LRRC4C: variants seen among roughly 807,000 people sequenced by gnomAD.
LRRC4C encodes the protein leucine rich repeat containing 4C, also known as leucine-rich repeat-containing protein 4C.
A neutral mutation model predicts 33.6 loss-of-function variants in LRRC4C; 5 were observed. That is an observed-to-expected ratio of 0.15 (90% confidence interval 0.08 to 0.31). LRRC4C has a LOEUF of 0.31. Ranked by LOEUF, LRRC4C falls within the 10% of genes least tolerant of loss-of-function variation. The probability of loss-of-function intolerance (pLI) is 1.00; values close to 1 mark genes in which losing one functional copy is unlikely to be tolerated. For synonymous variants in LRRC4C, 329 were observed against 302.0 expected, an observed-to-expected ratio of 1.09 and a Z score of -0.93; for missense variants, 560 against 796.7, an observed-to-expected ratio of 0.70 and a Z score of 3.58.
intron 2 of LRRC4C, among the ~76,000 whole-genome samples, chr11:40,709,835 T>C (rs201406060): frequency 6.6e-6 from 1 of 152,216 alleles, no homozygotes; most frequent in East Asian, 1.9e-4. Context: ...CAATCAAATG[T>C]AGCTTTGGTC....
intron 1 of LRRC4C, among the ~76,000 whole-genome samples, chr11:41,111,164 A>C (rs1336856931): frequency 6.6e-6 from 1 of 152,120 alleles, no homozygotes; most frequent in African/African-American, 2.4e-5. Context: ...TTGAGAATTT[A>C]TGCCTTATCC....
chr11:40,766,253 A>G (rs774280428), intron 2 of LRRC4C, among the ~76,000 whole-genome samples: 7 of 149,032 alleles, frequency 4.7e-5, no homozygotes, highest in Non-Finnish European at 8.9e-5. Flanking sequence ...TTCAAACATG[A>G]GAGGGAAATG....
intron 2 of LRRC4C, among the ~76,000 whole-genome samples, chr11:40,760,047 T>A (rs1275505523): frequency 6.6e-6 from 1 of 151,934 alleles, no homozygotes; most frequent in Admixed American, 6.6e-5. Context: ...CCCCCCAACC[T>A]TTTCTTTTCC....
intron 2 of LRRC4C, among the ~76,000 whole-genome samples, chr11:40,866,082 G>A (rs1313913588): frequency 6.7e-6 from 1 of 149,336 alleles, no homozygotes; most frequent in Non-Finnish European, 1.5e-5. Context: ...TGGGTCAGAA[G>A]TATATGGTCT....
intron 5 of LRRC4C, among the ~76,000 whole-genome samples, chr11:40,203,013 T>C (rs1465898323): frequency 6.6e-6 from 1 of 152,190 alleles, no homozygotes; most frequent in Non-Finnish European, 1.5e-5. Flanking sequence ...AAAAATAATG[T>C]CATTTAAACA....
chr11:40,865,866 A>G (rs1954338704), intron 2 of LRRC4C, among the ~76,000 whole-genome samples: 1 of 152,006 alleles, frequency 6.6e-6, no homozygotes, highest in African/African-American at 2.4e-5. Flanking sequence ...GGGTTAATTT[A>G]AAGTACATTA....
Position 40,194,925 on chromosome 11 carries a change from T to TAA in LRRC4C, c.-96+46592_-96+46593dup, listed in dbSNP as rs58375395. On this transcript the variant is annotated intron_variant, in intron 5 of 6. Coordinates refer to ENST00000528697, the MANE Select transcript of LRRC4C (RefSeq NM_001258419.2). ...AACACGGTGGAACCCCGTTTCTACTTAAAAAAAAACAAACAATTAGCCGGG... is the reference window on the plus strand; with the variant it reads ...AACACGGTGGAACCCCGTTTCTACTTAAAAAAAAAAACAAACAATTAGCCGGG... Among the ~76,000 whole-genome samples, 408 of 149,574 alleles carry TAA rather than the reference T, an allele frequency of 2.7e-3. 2 individuals carry two copies. Among genetic ancestry groups the TAA allele is most frequent in the East Asian group, 6.2e-3 (31 of 4,996 alleles).
Position 40,431,175 on chromosome 11 carries a change from TC to T in LRRC4C, c.-269-111455del, listed in dbSNP as rs1298598190. 4.1e-5 allele frequency among the ~76,000 whole-genome samples: 6 copies of T among 146,256 alleles called. No homozygotes were observed. In the East Asian group the frequency reaches 1.3e-3, roughly 31 times the overall value. On this transcript the variant is annotated intron_variant, in intron 3 of 6. Transcript: ENST00000528697. ...AAAAAAGAACAATCAGCCAGGCTAA[TC>T]CCAGCACTTTGGGAGGTTCAGGTGG...
intron 3 of LRRC4C, among the ~76,000 whole-genome samples, chr11:40,550,826 A>G (rs765795365): frequency 6.6e-6 from 1 of 152,048 alleles, no homozygotes; most frequent in African/African-American, 2.4e-5. Flanking sequence ...AAAATACCTA[A>G]GAGAAGCCTA....
At chr11:41,128,331 G>A (rs1942848636) in intron 1 of LRRC4C, among the ~76,000 whole-genome samples, 1 of 151,986 alleles carries the variant, frequency 6.6e-6, no homozygotes, top group Admixed American at 6.6e-5. Flanking sequence ...AAATGATTGA[G>A]CTTGGTAATA....
chr11:40,834,903 GACAGACAGACAC>G lies in LRRC4C; in HGVS notation c.-407+98720_-407+98731del, dbSNP rs1273511486. On this transcript the variant is annotated intron_variant, in intron 2 of 6. Coordinates refer to ENST00000528697, the MANE Select transcript of LRRC4C (RefSeq NM_001258419.2). ...AGACAGGCAGACAGACAGACAGACA[GACAGACAGACAC>G]ACACACACACACACACACACACACA... is the stretch of plus-strand genomic sequence containing the variant. 2.8e-4 allele frequency among the ~76,000 whole-genome samples: 11 copies of G among 39,056 alleles called. No homozygotes were observed. In the South Asian group the frequency reaches 8.2e-3, roughly 29 times the overall value. The allele number at this position is 39,056 out of a possible 152,430, so 25.6% of individuals were successfully genotyped here. A position where few individuals can be genotyped will look rare whatever the true frequency, so the allele number is the denominator to read the frequency against.
chr11:40,781,186 AT>A (rs2137275291), intron 2 of LRRC4C, among the ~76,000 whole-genome samples: 1 of 152,262 alleles, frequency 6.6e-6, no homozygotes, highest in African/African-American at 2.4e-5. Flanking sequence ...GTGTATCTAA[AT>A]GTATCTAAAC....
chr11:40,948,889 G>T (rs991932379), intron 1 of LRRC4C, among the ~76,000 whole-genome samples: 1 of 151,986 alleles, frequency 6.6e-6, no homozygotes, highest in Non-Finnish European at 1.5e-5. Context: ...ACCCAGTAAT[G>T]GGATGGCTGG....
intron 2 of LRRC4C, among the ~76,000 whole-genome samples, chr11:40,750,064 T>C (rs866008469): frequency 2.0e-5 from 3 of 151,908 alleles, no homozygotes; most frequent in African/African-American, 7.2e-5. Flanking sequence ...CTACTAAAAA[T>C]ACAAAAACTA....
chr11:40,187,359 TTTTTCA>T (rs1861488177), intron 5 of LRRC4C, among the ~76,000 whole-genome samples: 1 of 150,778 alleles, frequency 6.6e-6, no homozygotes, highest in African/African-American at 2.4e-5. Flanking sequence ...TGAATCAGTG[TTTTTCA>T]TAAAAATTTT....
At chr11:40,891,258 A>T (rs755561212) in intron 2 of LRRC4C, among the ~76,000 whole-genome samples, 3 of 152,148 alleles carry the variant, frequency 2.0e-5, no homozygotes, top group Non-Finnish European at 4.4e-5. Context: ...ACAAACAAAC[A>T]AAATCAAACA....
intron 1 of LRRC4C, among the ~76,000 whole-genome samples, chr11:41,112,792 A>T (rs1185301879): frequency 6.6e-6 from 1 of 152,126 alleles, no homozygotes; most frequent in Non-Finnish European, 1.5e-5. Flanking sequence ...GTCAGAGCAC[A>T]TTCATTATAC....
At chr11:40,962,878 T>C (rs1023554399) in intron 1 of LRRC4C, among the ~76,000 whole-genome samples, 4 of 151,766 alleles carry the variant, frequency 2.6e-5, no homozygotes, top group Non-Finnish European at 5.9e-5. Flanking sequence ...TCTACAAGCA[T>C]ATTATTTGAG....
chr11:41,005,006 A>ATTACT lies in LRRC4C; in HGVS notation c.-495-71284_-495-71283insAGTAA, dbSNP rs371065177. On this transcript the variant is annotated intron_variant, in intron 1 of 6. Coordinates refer to ENST00000528697, the MANE Select transcript of LRRC4C (RefSeq NM_001258419.2). ...TTATAACTTTCATTATTATTATTAT[A>ATTACT]ATTATTACAGAATTCAGGATTCTAT... Among the ~76,000 whole-genome samples, 4 of 151,500 alleles carry ATTACT rather than the reference A, an allele frequency of 2.6e-5. 1 individual carries two copies. The South Asian group carries it at 8.3e-4, about 32-fold the overall frequency.
Sources: gnomAD v4.1 joint callset for allele counts (sites outside exome capture counted in the v4.1 genomes callset) on GRCh38, gnomAD v4.1.1 for gene constraint, MANE v1.5 for transcripts, NCBI Gene and HGNC (gene_info 2026-07-23, HGNC 2026-07-21) for gene names.